CMTR1: variants seen among roughly 807,000 people sequenced by gnomAD.
CMTR1 encodes the protein cap-specific mRNA (nucleoside-2'-O-)-methyltransferase 1.
CMTR1 carries 39 observed loss-of-function variants against 107.0 expected under a neutral mutation model. That is an observed-to-expected ratio of 0.36 (90% CI 0.28 to 0.48). The LOEUF (loss-of-function observed/expected upper bound fraction) is 0.48. Ranked by LOEUF, CMTR1 falls within the 20% of genes least tolerant of loss-of-function variation. The pLI is 0.99. For synonymous variants in CMTR1, 366 were observed against 379.5 expected (o/e 0.96, Z 0.41); for missense variants, 672 against 1,064.9 (o/e 0.63, Z 5.14).
At chr6:37,429,027 G>A (rs898568018), upstream of CMTR1, among the ~76,000 whole-genome samples, 1 of 151,886 alleles carries the variant, frequency 6.6e-6, no homozygotes, top group Non-Finnish European at 1.5e-5. Flanking sequence ...TTCTTTGTAG[G>A]GACTCTGATG....
the CMTR1 span, among the ~76,000 whole-genome samples, chr6:37,424,090 G>A: frequency 7.9e-5 from 12 of 152,140 alleles, no homozygotes; most frequent in South Asian, 1.0e-3. Context: ...GCATTCACCC[G>A]TGCAAGCTTC....
chr6:37,430,016 G>A (rs534652155), upstream of CMTR1, among the ~76,000 whole-genome samples: 26 of 152,246 alleles, frequency 1.7e-4, no homozygotes, highest in Non-Finnish European at 3.8e-4. Context: ...ATTATGTTAT[G>A]TATGGAGGCA....
At chr6:37,468,508 T>C (rs2776910) in intron 13 of CMTR1, among the ~76,000 whole-genome samples, 119,466 of 152,176 alleles carry the variant, frequency 0.79, 47,894 homozygotes, top group African/African-American at 0.93. Flanking sequence ...GGAATCATTT[T>C]GCTTCACCCT....
intron 13 of CMTR1, among the ~76,000 whole-genome samples, chr6:37,469,791 G>T (rs1438534561): frequency 6.6e-6 from 1 of 151,822 alleles, no homozygotes; most frequent in East Asian, 1.9e-4. Context: ...ACTTTCCAAA[G>T]TGCTGGGATT....
intron 4 of CMTR1, 92 bp from the exon 5 acceptor site, chr6:37,450,159 C>T: frequency 9.2e-7 from 1 of 1,083,342 alleles, no homozygotes; most frequent in Non-Finnish European, 1.4e-6. Flanking sequence ...TGTCTCAGTC[C>T]CTTTTGATTG....
Position 37,473,460 on chromosome 6 carries a change from G to T in CMTR1, c.1690-10G>T. 6.2e-7 allele frequency: 1 copy of T among 1,611,392 alleles called. No individual in the cohort carries two copies. The highest frequency in any genetic ancestry group is 1.3e-5 in the African/African-American group (1 of 74,958). Reference sequence around the variant, plus strand: ...AACCCGGCAGTGTTTTCTCTGACTCGTGGCTGCAGGGCACTGAGATTGACA... The same window carrying T: ...AACCCGGCAGTGTTTTCTCTGACTCTTGGCTGCAGGGCACTGAGATTGACA... On this transcript the variant is annotated splice_polypyrimidine_tract_variant and intron_variant, in intron 16 of 23. Coordinates refer to ENST00000373451, the MANE Select transcript of CMTR1 (RefSeq NM_015050.3).
chr6:37,425,487 G>T, the CMTR1 span, among the ~76,000 whole-genome samples: 1 of 151,540 alleles, frequency 6.6e-6, no homozygotes, highest in Non-Finnish European at 1.5e-5. Context: ...GTAGAGACGG[G>T]GTTGTACCAT....
chr6:37,477,199 A>G (rs1459192391), intron 20 of CMTR1, among the ~76,000 whole-genome samples: 2 of 152,262 alleles, frequency 1.3e-5, no homozygotes, highest in African/African-American at 4.8e-5. Context: ...CCTAAAATCC[A>G]TGTGGACAGA....
At chr6:37,462,781 T>C (rs1249636484) in intron 12 of CMTR1, 48 bp from the exon 13 acceptor site, 4 of 1,573,630 alleles carry the variant, frequency 2.5e-6, no homozygotes, top group Admixed American at 1.7e-5. Flanking sequence ...AAGGAATGTA[T>C]GGGGAGGAAG....
intron 8 of CMTR1, among the ~76,000 whole-genome samples, chr6:37,455,744 A>G (rs1761280322): frequency 6.6e-6 from 1 of 152,196 alleles, no homozygotes; most frequent in Non-Finnish European, 1.5e-5. Context: ...GAAAAGGATA[A>G]GAGTTTTGAC....
At chr6:37,451,348 T>G (rs1448999948) in intron 5 of CMTR1, among the ~76,000 whole-genome samples, 2 of 152,220 alleles carry the variant, frequency 1.3e-5, no homozygotes, top group African/African-American at 4.8e-5. Flanking sequence ...GATATCCCTG[T>G]GAGACCCCTT....
chr6:37,473,373 T>A, intron 16 of CMTR1, 97 bp from the exon 17 acceptor site: 1 of 1,351,640 alleles, frequency 7.4e-7, no homozygotes, highest in East Asian at 2.3e-5. Context: ...CAATGCTTCC[T>A]GTCCCTTGCC....
chr6:37,436,132 C>CG (rs1433723372), intron 2 of CMTR1, among the ~76,000 whole-genome samples: 1 of 152,144 alleles, frequency 6.6e-6, no homozygotes, highest in Non-Finnish European at 1.5e-5. Flanking sequence ...CTCTTTGCTG[C>CG]GGCCGTCGAG....
intron 12 of CMTR1, 43 bp downstream of exon 12, chr6:37,462,145 T>G: frequency 6.2e-7 from 1 of 1,609,416 alleles, no homozygotes; most frequent in Non-Finnish European, 8.5e-7. Context: ...ATTGGCTAAA[T>G]GTCAGAACAG....
intron 2 of CMTR1, among the ~76,000 whole-genome samples, chr6:37,442,600 T>C (rs540067613): frequency 5.3e-5 from 8 of 152,230 alleles, no homozygotes; most frequent in African/African-American, 1.4e-4. Context: ...TCTAAGGCAA[T>C]GTGATGAGTG....
Position 37,458,117 on chromosome 6 carries a change from C to T in CMTR1, c.778-495C>T, listed in dbSNP as rs755476344. On this transcript the variant is annotated intron_variant, in intron 8 of 23. Transcript: ENST00000373451. This position sits in a 1 kb window ranked among gnomAD's most constrained non-coding sequence, Gnocchi z 4.7. ...TCGCCCAGGCTCAAGTGCAGTGGCG[C>T]GATCTCAGCTCACTGCAACCTCTGC... Among the ~76,000 whole-genome samples, 6 of 151,944 alleles carry T rather than the reference C, an allele frequency of 3.9e-5. No homozygotes were observed. Among genetic ancestry groups the T allele is most frequent in the Non-Finnish European group, 7.4e-5 (5 of 67,974 alleles).
intron 2 of CMTR1, among the ~76,000 whole-genome samples, chr6:37,436,888 C>G (rs539076557): frequency 6.6e-6 from 1 of 152,232 alleles, no homozygotes; most frequent in East Asian, 1.9e-4. Flanking sequence ...AATTTCATAA[C>G]AGATTGGTGA....
chr6:37,469,268 C>T (rs944642409), intron 13 of CMTR1, among the ~76,000 whole-genome samples: 11 of 152,098 alleles, frequency 7.2e-5, no homozygotes, highest in African/African-American at 2.7e-4. Flanking sequence ...CCATGGTTCT[C>T]TGCTTCCCTT....
intron 2 of CMTR1, among the ~76,000 whole-genome samples, chr6:37,436,158 T>C (rs763454551): frequency 6.6e-6 from 1 of 152,212 alleles, no homozygotes; most frequent in Non-Finnish European, 1.5e-5. Context: ...TTTTCACTTT[T>C]TTTGCATGCA....
Sources: allele counts gnomAD v4.1 joint callset (sites outside exome capture counted in the v4.1 genomes callset), GRCh38; gene constraint gnomAD v4.1.1; non-coding constraint Gnocchi (gnomAD v3.1); transcripts MANE v1.5; gene names NCBI Gene and HGNC (gene_info 2026-07-23, HGNC 2026-07-21).